The following ZNF43 variants were observed in gnomAD, a reference collection of about 807,000 sequenced individuals.
ZNF43 encodes zinc finger protein 43.
ZNF43 carries 44 observed loss-of-function variants against 68.4 expected under a neutral mutation model. That is an observed-to-expected ratio of 0.64 (90% CI 0.51 to 0.83). The LOEUF is 0.83. ZNF43 is among the 40% of genes least tolerant of loss of function. The pLI, the probability that ZNF43 is intolerant of heterozygous loss-of-function variation, is 0.00. For synonymous variants in ZNF43, 308 were observed against 307.8 expected, an observed-to-expected ratio of 1.00 and a Z score of -0.01; for missense variants, 896 against 933.2, an observed-to-expected ratio of 0.96 and a Z score of 0.52.
At chr19:21,821,216 G>A (rs952924665) in intron 1 of ZNF43, among the ~76,000 whole-genome samples, 1 of 145,040 alleles carries the variant, frequency 6.9e-6, no homozygotes, top group African/African-American at 2.6e-5. Flanking sequence ...GCGAATCTCC[G>A]CTCACTGCAA....
chr19:21,813,026 T>C (rs2037353848), intron 3 of ZNF43, among the ~76,000 whole-genome samples: 1 of 151,678 alleles, frequency 6.6e-6, no homozygotes, highest in South Asian at 2.1e-4. Flanking sequence ...GCAGATCGCC[T>C]GAGGTCATAA....
Position 21,809,071 on chromosome 19 carries a change from G to A in ZNF43, c.966C>T (p.Ala322=), listed in dbSNP as rs574700151. Residue 322 remains alanine, a synonymous_variant, in exon 4 of 4, where the codon GCC becomes GCT. Coordinates refer to ENST00000354959, the MANE Select transcript of ZNF43 (RefSeq NM_003423.4). ...TAGTAAGAGTTGAGGGCCAGTTAAAGGCTTTGCCACATTCTTCACATTTGT... is the reference window on the plus strand; with the variant it reads ...TAGTAAGAGTTGAGGGCCAGTTAAAAGCTTTGCCACATTCTTCACATTTGT... ...KPYKCEECGK[A]FNWPSTLTKH... The A allele has an allele frequency of 7.7e-5, 123 of 1,607,168 alleles. 6 individuals carry two copies. The highest frequency in any genetic ancestry group is 3.6e-4 in the African/African-American group (26 of 72,932).
At chr19:21,814,785 A>G (rs184785135) in intron 3 of ZNF43, among the ~76,000 whole-genome samples, 1 of 152,324 alleles carries the variant, frequency 6.6e-6, no homozygotes, top group Admixed American at 6.5e-5. Flanking sequence ...ATTATAATAC[A>G]TAGGTAAAAC....
rs1182760230 is a variant in ZNF43, at chr19:21,807,050, T to C, written c.*557A>G. The C allele has an allele frequency of 1.3e-5, 2 of 152,202 alleles. No individual in the cohort carries two copies. Among genetic ancestry groups the C allele is most frequent in the Non-Finnish European group, 2.9e-5 (2 of 68,044 alleles). The allele number at this position is 152,202 out of a possible 1,614,324, so 9.4% of individuals were successfully genotyped here. A position where few individuals can be genotyped will look rare whatever the true frequency, so the allele number is the denominator to read the frequency against. ...AAACTTTGTACTATCAACCAAGCAT[T>C]ATAGACCCTCATGTTTTATAAGCTG... On this transcript the variant is annotated 3_prime_UTR_variant, in exon 4 of 4. Transcript: ENST00000354959.
At position 21,805,067 on chromosome 19, in the gene ZNF43, G is replaced by C. The variant is rs970015473; in HGVS notation, c.*2540C>G. ...ATTAAAATAATGAAGTGTAGAATTG[G>C]CTTGTAATACAAAGGATAAATGCTG... On this transcript the variant is annotated 3_prime_UTR_variant, in exon 4 of 4. Transcript: ENST00000354959. 1 of 152,094 alleles carries C rather than the reference G, an allele frequency of 6.6e-6. No homozygotes were observed. Among genetic ancestry groups the C allele is most frequent in the African/African-American group, 2.4e-5 (1 of 41,418 alleles). 9.4% of individuals were successfully genotyped at this position (152,094 alleles called of 1,614,324 possible).
chr19:21,834,877 C>A (rs1452600920), intron 1 of ZNF43, among the ~76,000 whole-genome samples: 1 of 147,846 alleles, frequency 6.8e-6, no homozygotes, highest in East Asian at 2.0e-4. Flanking sequence ...ATATCTGTAT[C>A]AAAAATATAC....
intron 3 of ZNF43, among the ~76,000 whole-genome samples, chr19:21,813,376 T>A (rs2037374180): frequency 6.6e-6 from 1 of 152,246 alleles, no homozygotes; most frequent in African/African-American, 2.4e-5. Flanking sequence ...CATCCATATT[T>A]TTTGTATCAG....
intron 1 of ZNF43, among the ~76,000 whole-genome samples, chr19:21,820,185 C>T (rs763836035): frequency 5.4e-5 from 3 of 55,198 alleles, no homozygotes; most frequent in Non-Finnish European, 1.0e-4. Context: ...GGTCAAAGAG[C>T]AAGACTCCAT....
chr19:21,820,282 TA>T (rs1387824128), intron 1 of ZNF43, among the ~76,000 whole-genome samples: 1 of 58,272 alleles, frequency 1.7e-5, no homozygotes, highest in Admixed American at 1.3e-4. Flanking sequence ...CATATACATT[TA>T]AAAAAAAGAC....
Position 21,809,270 on chromosome 19 carries a change from T to A in ZNF43, c.767A>T (p.Lys256Ile). The A allele has an allele frequency of 6.2e-7, 1 of 1,613,656 alleles. No homozygotes were observed. The highest frequency in any genetic ancestry group is 1.1e-5 in the South Asian group (1 of 91,072). Residue 256 changes from lysine (K) to isoleucine (I), a missense_variant, in exon 4 of 4, where the codon AAA becomes ATA. Physicochemically the swap from Lys to Ile is moderately radical, Grantham distance 102. Coordinates refer to ENST00000354959, the MANE Select transcript of ZNF43 (RefSeq NM_003423.4). The part of the protein sequence containing the change: ...TTHKKNYTRY[K>I]LYKCEECGKA... ...GCCACATTCTTCACATTTGTAGAGT[T>A]TGTATCTAGTATAATTTTTTTTATG...
chr19:21,818,953 C>T (rs528784316), intron 2 of ZNF43, 142 bp downstream of exon 2: 28 of 1,162,438 alleles, frequency 2.4e-5, no homozygotes, highest in Middle Eastern at 2.1e-4. Context: ...TTCTTTAGTG[C>T]GCCAACAAAT....
At chr19:21,836,450 C>T (rs1409776170), upstream of ZNF43, among the ~76,000 whole-genome samples, 1 of 152,232 alleles carries the variant, frequency 6.6e-6, no homozygotes, top group Non-Finnish European at 1.5e-5. Flanking sequence ...GTCATCTTCA[C>T]TTATAAGTAA....
At chr19:21,847,698 GAA>G (rs113588824) in intron 1 of ZNF43, among the ~76,000 whole-genome samples, 2 of 146,416 alleles carry the variant, frequency 1.4e-5, no homozygotes, top group African/African-American at 2.5e-5. Context: ...CTCCGTCTCC[GAA>G]AAAAAAAAAG....
chr19:21,844,741 C>T (rs1017296004), intron 1 of ZNF43, among the ~76,000 whole-genome samples: 3 of 150,364 alleles, frequency 2.0e-5, no homozygotes, highest in African/African-American at 7.4e-5. Context: ...ACTAAAAATA[C>T]AAAAAACTAG....
intron 1 of ZNF43, among the ~76,000 whole-genome samples, chr19:21,847,711 A>G (rs1968058298): frequency 6.6e-6 from 1 of 152,058 alleles, no homozygotes; most frequent in South Asian, 2.1e-4. Context: ...AAAAAAAAAG[A>G]AAGTAACATC....
rs1435252741 is a variant in ZNF43, at chr19:21,807,975, TA to T, written c.2061del (p.Phe687LeufsTer109). On this transcript the variant is annotated frameshift_variant, in exon 4 of 4. Coordinates refer to ENST00000354959, the MANE Select transcript of ZNF43 (RefSeq NM_003423.4). LOFTEE classifies it high-confidence loss of function. Reference sequence around the variant, plus strand: ...TGTGTAGAAAGGGTTGAGGACAGTTTAAAAGCTTTGCCACATTCTTCACATT... The same window carrying T: ...TGTGTAGAAAGGGTTGAGGACAGTTTAAAGCTTTGCCACATTCTTCACATT... ...PYKCEECGKA[F>X]KLSSTLSTHK... is the part of the protein sequence containing the mutation. 2 of 1,612,832 alleles carry T rather than the reference TA, an allele frequency of 1.2e-6. No individual in the cohort carries two copies. The highest frequency in any genetic ancestry group is 1.7e-6 in the Non-Finnish European group (2 of 1,179,878).
In ZNF43 at chr19:21,809,804, A is replaced by G. The variant is rs756445379; in HGVS notation, c.233T>C (p.Met78Thr). ...RHEMVAKPPV[M>T]CSHFTQDFWP... ...AAAGTCTTGGGTAAAATGAGAACAC[A>G]TAACTGAAAAAAATAAAAATAACAA... The change falls in exon 4 of 4, where the codon ATG becomes ACG. Residue 78 changes from methionine to threonine, a missense_variant. By Grantham distance (81) the Met-to-Thr change is moderately conservative. Transcript: ENST00000354959. The G allele has an allele frequency of 6.6e-7, 1 of 1,525,398 alleles. No homozygotes were observed. The highest frequency in any genetic ancestry group is 1.3e-5 in the South Asian group (1 of 75,322). 94.5% of individuals were successfully genotyped at this position (1,525,398 alleles called of 1,614,324 possible).
chr19:21,834,358 A>AG (rs1433671350), intron 1 of ZNF43, among the ~76,000 whole-genome samples: 2 of 149,230 alleles, frequency 1.3e-5, no homozygotes, highest in East Asian at 4.0e-4. Flanking sequence ...AAAAAAGTAA[A>AG]GAAAAAAAGA....
At chr19:21,837,005 C>T (rs1967149276), upstream of ZNF43, among the ~76,000 whole-genome samples, 1 of 152,112 alleles carries the variant, frequency 6.6e-6, no homozygotes, top group African/African-American at 2.4e-5. Flanking sequence ...AAAAAGAGAA[C>T]ATTTTTTAAA....
Sources: gnomAD v4.1 joint callset for allele counts (sites outside exome capture counted in the v4.1 genomes callset) on GRCh38, gnomAD v4.1.1 for gene constraint, MANE v1.5 for transcripts, NCBI Gene and HGNC (gene_info 2026-07-23, HGNC 2026-07-21) for gene names.